The following CXCL8 variants were observed in gnomAD, a reference collection of about 807,000 sequenced individuals.
The protein encoded by CXCL8 is C-X-C motif chemokine ligand 8.
In CXCL8, 12 loss-of-function variants were observed where a neutral mutation model predicts 10.9. The ratio of observed to expected loss-of-function variants is 1.10; its 90% CI spans 0.71 to 1.79. The LOEUF (loss-of-function observed/expected upper bound fraction) is 1.79. Ranked by LOEUF, CXCL8 falls within the 40% of genes most tolerant of loss-of-function variation. The pLI is 0.00. For synonymous variants in CXCL8, 41 were observed against 39.6 expected (o/e 1.03, Z -0.13); for missense variants, 145 against 113.4 (o/e 1.28, Z -1.26).
chr4:73,740,859 G>A, intron 1 of CXCL8, 137 bp downstream of exon 1: 3 of 688,108 alleles, frequency 4.4e-6, no homozygotes, highest in South Asian at 2.1e-5. Flanking sequence ...GTCAATTAAT[G>A]TTAAATTGAA....
chr4:73,742,973 T>A lies in CXCL8; in HGVS notation c.*509T>A, dbSNP rs1729220723. 2 of 231,192 alleles carry A rather than the reference T, an allele frequency of 8.7e-6. No homozygotes were observed. Among genetic ancestry groups the A allele is most frequent in the African/African-American group, 4.4e-5 (2 of 45,244 alleles). The allele number at this position is 231,192 out of a possible 1,614,324, so 14.3% of individuals were successfully genotyped here. ...GGATCCACAAGTCCTTGTTCCACTG[T>A]GCCTTGGTTTCTCCTTTATTTCTAA... is the stretch of plus-strand genomic sequence containing the variant. On this transcript the variant is annotated 3_prime_UTR_variant, in exon 4 of 4. Transcript: ENST00000307407.
intron 2 of CXCL8, 71 bp downstream of exon 2, chr4:73,741,748 G>C: frequency 7.0e-7 from 1 of 1,423,844 alleles, no homozygotes; most frequent in Non-Finnish European, 9.8e-7. Context: ...GAAATATTTA[G>C]GAAAGTTCCA....
Position 73,740,694 on chromosome 4 carries a change from C to T in CXCL8, c.36C>T (p.Ala12=), listed in dbSNP as rs1186858178. ...TSKLAVALLA[A]FLISAALCEG... is the part of the protein sequence containing the mutation. ...AGCTGGCCGTGGCTCTCTTGGCAGC[C>T]TTCCTGATTTCTGCAGCTCTGTGTG... Residue 12 remains alanine (A), a synonymous_variant, in exon 1 of 4, where the codon GCC becomes GCT. Coordinates refer to ENST00000307407, the MANE Select transcript of CXCL8 (RefSeq NM_000584.4). 4 of 1,613,632 alleles carry T rather than the reference C, an allele frequency of 2.5e-6. No individual in the cohort carries two copies. In the South Asian group the frequency reaches 4.4e-5, roughly 18 times the overall value.
At position 73,742,782 on chromosome 4, in the gene CXCL8, G is replaced by C. The variant is rs11733933; in HGVS notation, c.*318G>C. The stretch of plus-strand genomic sequence containing the variant: ...TAGCAAAATTGAGGCCAAGGGCCAA[G>C]AGAATATCCGAACTTTAATTTCAGG... On this transcript the variant is annotated 3_prime_UTR_variant, in exon 4 of 4. Coordinates refer to ENST00000307407, the MANE Select transcript of CXCL8 (RefSeq NM_000584.4). 3.1e-5 allele frequency: 8 copies of C among 256,886 alleles called. No homozygotes were observed. The highest frequency in any genetic ancestry group is 6.5e-5 in the African/African-American group (3 of 46,082). 15.9% of individuals were successfully genotyped at this position (256,886 alleles called of 1,614,324 possible). A position where few individuals can be genotyped will look rare whatever the true frequency, so the allele number is the denominator to read the frequency against.
chr4:73,741,166 A>G (rs1307334743), intron 1 of CXCL8, among the ~76,000 whole-genome samples: 1 of 152,158 alleles, frequency 6.6e-6, no homozygotes, highest in Non-Finnish European at 1.5e-5. Flanking sequence ...TAACTTATTT[A>G]TATATTTCTG....
intron 2 of CXCL8, 123 bp from the exon 3 acceptor site, chr4:73,741,818 CATTTAAAT>C (rs1217316745): frequency 2.9e-6 from 3 of 1,051,828 alleles, no homozygotes; most frequent in Non-Finnish European, 4.3e-6. Context: ...GTCTACATGA[CATTTAAAT>C]ATGGTAGCTT....
chr4:73,742,658 A>T lies in CXCL8; in HGVS notation c.*194A>T, dbSNP rs1335365645. The T allele has an allele frequency of 2.5e-6, 1 of 406,714 alleles. No homozygotes were observed. Among genetic ancestry groups the T allele is most frequent in the Non-Finnish European group, 4.5e-6 (1 of 220,050 alleles). The allele number at this position is 406,714 out of a possible 1,614,324, so 25.2% of individuals were successfully genotyped here. On this transcript the variant is annotated 3_prime_UTR_variant, in exon 4 of 4. Transcript: ENST00000307407. Reference sequence around the variant, plus strand: ...TTGTACCATGAAATATCCAGAACATACTTATATGTAAAGTATTATTTATTT... The same window carrying T: ...TTGTACCATGAAATATCCAGAACATTCTTATATGTAAAGTATTATTTATTT...
rs139503118 is a variant in CXCL8, at chr4:73,741,611, A to G, written c.134A>G (p.His45Arg). 149 of 1,613,450 alleles carry G rather than the reference A, an allele frequency of 9.2e-5. No homozygotes were observed. The African/African-American group carries it at 1.7e-3, about 18-fold the overall frequency. The stretch of plus-strand genomic sequence containing the variant: ...ATAAAGACATACTCCAAACCTTTCC[A>G]CCCCAAATTTATCAAAGAACTGAGA... ...QCIKTYSKPF[H>R]PKFIKELRVI... Residue 45 changes from histidine (H) to arginine (R), a missense_variant, in exon 2 of 4, where the codon CAC (histidine) becomes CGC (arginine). Transcript: ENST00000307407.
Position 73,742,663 on chromosome 4 carries a change from T to C in CXCL8, c.*199T>C. ...CCATGAAATATCCAGAACATACTTA[T>C]ATGTAAAGTATTATTTATTTGAATC... On this transcript the variant is annotated 3_prime_UTR_variant, in exon 4 of 4. Transcript: ENST00000307407. 1 of 395,734 alleles carries C rather than the reference T, an allele frequency of 2.5e-6. No homozygotes were observed. 24.5% of individuals were successfully genotyped at this position (395,734 alleles called of 1,614,324 possible).
intron 2 of CXCL8, 63 bp downstream of exon 2, chr4:73,741,740 A>T: frequency 1.4e-6 from 2 of 1,466,830 alleles, no homozygotes. Context: ...GGAAGGTGGA[A>T]ATATTTAGGA....
chr4:73,742,088 A>G (rs1729190528), intron 3 of CXCL8, 56 bp downstream of exon 3: 2 of 1,041,064 alleles, frequency 1.9e-6, no homozygotes, highest in African/African-American at 1.7e-5. Context: ...CATATAATCC[A>G]AAGTCAGCCT....
chr4:73,742,280 C>A (rs1269550921), intron 3 of CXCL8, 169 bp from the exon 4 acceptor site: 2 of 583,230 alleles, frequency 3.4e-6, no homozygotes, highest in Admixed American at 3.4e-5. Context: ...CTTTGTCACT[C>A]CCAGTAGTGT....
At position 73,740,711 on chromosome 4, in the gene CXCL8, C is replaced by T; in HGVS notation, c.53C>T (p.Ala18Val). The T allele has an allele frequency of 6.2e-7, 1 of 1,613,380 alleles. No homozygotes were observed. Among genetic ancestry groups the T allele is most frequent in the South Asian group, 1.1e-5 (1 of 91,044 alleles). The change falls in exon 1 of 4, where the codon GCT (alanine) becomes GTT (valine). Residue 18 changes from alanine to valine, a missense_variant. Physicochemically the swap from Ala to Val is moderately conservative, Grantham distance 64 (BLOSUM62 0). Transcript: ENST00000307407. ...ALLAAFLISA[A>V]LCEGAVLPRS... ...TTGGCAGCCTTCCTGATTTCTGCAG[C>T]TCTGTGTGAAGGTAAGCACATCTTT...
rs1054506363 is a variant in CXCL8 at position 73,742,496 on chromosome 4, A to T, written c.*32A>T. The T allele has an allele frequency of 7.1e-7, 1 of 1,410,964 alleles. No homozygotes were observed. The highest frequency in any genetic ancestry group is 9.8e-7 in the Non-Finnish European group (1 of 1,016,178). 87.4% of individuals were successfully genotyped at this position (1,410,964 alleles called of 1,614,324 possible). A position where few individuals can be genotyped will look rare whatever the true frequency, so the allele number is the denominator to read the frequency against. ...TCATTCTCTGTGGTATCCAAGAATC[A>T]GTGAAGATGCCAGTGAAACTTCAAG... On this transcript the variant is annotated 3_prime_UTR_variant, in exon 4 of 4. Transcript: ENST00000307407.
At chr4:73,741,815 TGA>T in intron 2 of CXCL8, 132 bp from the exon 3 acceptor site, 1 of 1,067,770 alleles carries the variant, frequency 9.4e-7, no homozygotes, top group Non-Finnish European at 1.4e-6. Flanking sequence ...TTTGTCTACA[TGA>T]CATTTAAATA....
Position 73,741,720 on chromosome 4 carries a change from T to C in CXCL8, c.200+43T>C, listed in dbSNP as rs1729180557. The C allele has an allele frequency of 3.8e-6, 6 of 1,565,098 alleles. No individual in the cohort carries two copies. The African/African-American group carries it at 6.8e-5, about 18-fold the overall frequency. On this transcript the variant is annotated intron_variant, in intron 2 of 3. Coordinates refer to ENST00000307407, the MANE Select transcript of CXCL8 (RefSeq NM_000584.4). ...GATTAGATATTTTGTTTTAGCAAAC[T>C]TAAAATTAAGGAAGGTGGAAATATT...
At position 73,740,649 on chromosome 4, in the gene CXCL8, G is replaced by A; in HGVS notation, c.-10G>A. ...AACCACCGGAAGGAACCATCTCACT[G>A]TGTGTAAACATGACTTCCAAGCTGG... On this transcript the variant is annotated 5_prime_UTR_variant, in exon 1 of 4. The change creates a new upstream start codon in the 5' untranslated region. Coordinates refer to ENST00000307407, the MANE Select transcript of CXCL8 (RefSeq NM_000584.4). 2 of 1,613,052 alleles carry A rather than the reference G, an allele frequency of 1.2e-6. No homozygotes were observed. Among genetic ancestry groups the A allele is most frequent in the South Asian group, 2.2e-5 (2 of 91,030 alleles).
At chr4:73,741,760 G>T in intron 2 of CXCL8, 83 bp downstream of exon 2, 1 of 1,321,436 alleles carries the variant, frequency 7.6e-7, no homozygotes, top group South Asian at 1.3e-5. Context: ...AAAGTTCCAG[G>T]TGTTAGGATT....
Position 73,743,328 on chromosome 4 carries a change from A to T in CXCL8, c.*864A>T, listed in dbSNP as rs1126647. The T allele has an allele frequency of 0.33, 70,355 of 212,654 alleles. 13,021 individuals are homozygous for T. The highest frequency in any genetic ancestry group is 0.41 in the Non-Finnish European group (43,433 of 105,166). The allele number at this position is 212,654 out of a possible 1,614,324, so 13.2% of individuals were successfully genotyped here. On this transcript the variant is annotated 3_prime_UTR_variant, in exon 4 of 4. Transcript: ENST00000307407. The stretch of plus-strand genomic sequence containing the variant: ...CCCAGTTAAATTTTCATTTCAGATA[A>T]ACAACAAATAATTTTTTAGTATAAG...
Sources: allele counts gnomAD v4.1 joint callset (sites outside exome capture counted in the v4.1 genomes callset), GRCh38; gene constraint gnomAD v4.1.1; transcripts MANE v1.5; gene names NCBI Gene and HGNC (gene_info 2026-07-23, HGNC 2026-07-21).